The following ZNF662 variants were observed in gnomAD, a reference collection of about 807,000 sequenced individuals.
The protein encoded by ZNF662 is zinc finger protein 662.
A neutral mutation model predicts 12.4 loss-of-function variants in ZNF662; 14 were observed. The observed-to-expected ratio is 1.13, with a 90% confidence interval of 0.75 to 1.77. The LOEUF (loss-of-function observed/expected upper bound fraction) is 1.77. ZNF662 is among the 40% of genes most tolerant of loss of function. The pLI is 0.00. For synonymous variants in ZNF662, 184 were observed against 176.4 expected, an observed-to-expected ratio of 1.04 and a Z score of -0.34; for missense variants, 550 against 515.6, an observed-to-expected ratio of 1.07 and a Z score of -0.65.
chr3:42,911,744 T>C (rs2125644139), intron 3 of ZNF662, among the ~76,000 whole-genome samples: 2 of 152,324 alleles, frequency 1.3e-5, no homozygotes, highest in South Asian at 4.1e-4. Flanking sequence ...TGTATTACAG[T>C]AGATCTCTGT....
rs1304791784 is a variant in ZNF662, at chr3:42,915,125, A to T, written c.1052A>T (p.Gln351Leu). Residue 351 changes from glutamine to leucine, a missense_variant, in exon 5 of 5, where the codon CAG (glutamine) becomes CTG (leucine). Transcript: ENST00000440367. ...TGGAACTCAGATCTTTCTCAGCACC[A>T]GAGGGTCCACACTGGGGACAAGCCT... is the stretch of plus-strand genomic sequence containing the variant. The part of the protein sequence containing the change: ...FMWNSDLSQH[Q>L]RVHTGDKPHE... The T allele has an allele frequency of 6.2e-7, 1 of 1,614,126 alleles. No individual in the cohort carries two copies. Among genetic ancestry groups the T allele is most frequent in the Non-Finnish European group, 8.5e-7 (1 of 1,180,048 alleles).
rs1005498838 is a variant in ZNF662 at position 42,916,182 on chromosome 3, C to G, written c.*828C>G. 6.6e-6 allele frequency: 1 copy of G among 152,088 alleles called. No individual in the cohort carries two copies. The highest frequency in any genetic ancestry group is 2.4e-5 in the African/African-American group (1 of 41,408). The allele number at this position is 152,088 out of a possible 1,614,324, so 9.4% of individuals were successfully genotyped here. A position where few individuals can be genotyped will look rare whatever the true frequency, so the allele number is the denominator to read the frequency against. ...TACTGGTTGTGTATCTCTGTAGATACTCTTTGTATACAAGTGTTTATTAGT... is the reference window on the plus strand; with the variant it reads ...TACTGGTTGTGTATCTCTGTAGATAGTCTTTGTATACAAGTGTTTATTAGT... On this transcript the variant is annotated 3_prime_UTR_variant, in exon 5 of 5. Transcript: ENST00000440367.
Position 42,906,289 on chromosome 3 carries a change from C to T in ZNF662, c.-94+121C>T, listed in dbSNP as rs753972091. 1.0e-5 allele frequency: 15 copies of T among 1,477,178 alleles called. No homozygotes were observed. Among genetic ancestry groups the T allele is most frequent in the Non-Finnish European group, 1.4e-5 (15 of 1,105,692 alleles). 91.5% of individuals were successfully genotyped at this position (1,477,178 alleles called of 1,614,324 possible). On this transcript the variant is annotated intron_variant, in intron 1 of 4. Transcript: ENST00000440367. The surrounding 1 kb of genome is among the most constrained non-coding windows in gnomAD (Gnocchi z 4.4). ...TGCCCAGGTGCAGAGCGCTCTTCCGCGACCCCAACAGCCTCTGGTCCGGTC... is the reference window on the plus strand; with the variant it reads ...TGCCCAGGTGCAGAGCGCTCTTCCGTGACCCCAACAGCCTCTGGTCCGGTC...
At position 42,906,258 on chromosome 3, in the gene ZNF662, C is replaced by A; in HGVS notation, c.-94+90C>A. Reference sequence around the variant, plus strand: ...GCTGCAGGGCGCAGGGTAGCCGTGTCAGGCCTGCCCAGGTGCAGAGCGCTC... The same window carrying A: ...GCTGCAGGGCGCAGGGTAGCCGTGTAAGGCCTGCCCAGGTGCAGAGCGCTC... On this transcript the variant is annotated intron_variant, in intron 1 of 4. Transcript: ENST00000440367. The surrounding 1 kb of genome is among the most constrained non-coding windows in gnomAD (Gnocchi z 4.4). 8.3e-7 allele frequency: 1 copy of A among 1,203,738 alleles called. No homozygotes were observed. The highest frequency in any genetic ancestry group is 1.5e-5 in the South Asian group (1 of 67,296). 74.6% of individuals were successfully genotyped at this position (1,203,738 alleles called of 1,614,324 possible).
In ZNF662 at chr3:42,908,075, C is replaced by T. The variant is rs751071502; in HGVS notation, c.-40C>T. On this transcript the variant is annotated 5_prime_UTR_variant, in exon 2 of 5. Transcript: ENST00000440367. The stretch of plus-strand genomic sequence containing the variant: ...TCTACTTCTCTGAGAACGAATGGAT[C>T]GGCCTGGGCCCTGCTCAGAGAGCCC... 8.7e-6 allele frequency: 14 copies of T among 1,614,052 alleles called. No individual in the cohort carries two copies. The highest frequency in any genetic ancestry group is 2.2e-5 in the South Asian group (2 of 91,084).
rs1188564876 is a variant in ZNF662, at chr3:42,914,424, G to A, written c.351G>A (p.Trp117Ter). ...TGGTCCTATCAAGTGGACCCCAGTG[G>A]TGTGGATCCCAGGAATTATGGTTTG... ...DLMVLSSGPQ[W>*]CGSQELWFGK... Residue 117 changes from tryptophan (W) to a stop codon, truncating the protein, a stop_gained, in exon 5 of 5, where the codon TGG (tryptophan) becomes TGA (stop). Transcript: ENST00000440367. LOFTEE classifies it low-confidence loss of function (END_TRUNC). The A allele has an allele frequency of 6.2e-7, 1 of 1,614,034 alleles. No individual in the cohort carries two copies. The highest frequency in any genetic ancestry group is 1.1e-5 in the South Asian group (1 of 91,064).
At position 42,919,281 on chromosome 3, in the gene ZNF662, A is replaced by G. The variant is rs1487307450; in HGVS notation, c.*3927A>G. ...TTTCTCTCCAGTTCTCATTTTTGTT[A>G]AAAATAAATCATGATAGGACTGAGT... On this transcript the variant is annotated 3_prime_UTR_variant, in exon 5 of 5. Coordinates refer to ENST00000440367, the MANE Select transcript of ZNF662 (RefSeq NM_207404.4). 1.3e-5 allele frequency among the ~76,000 whole-genome samples: 2 copies of G among 152,246 alleles called. No individual in the cohort carries two copies. Among genetic ancestry groups the G allele is most frequent in the East Asian group, 3.8e-4 (2 of 5,204 alleles).
intron 2 of ZNF662, chr3:42,908,576 C>T (rs1032853333): frequency 2.8e-5 from 39 of 1,377,222 alleles, no homozygotes; most frequent in Non-Finnish European, 3.6e-5. Context: ...CATCCATTTG[C>T]TGACTCAAAC....
rs747874402 is a variant in ZNF662 at position 42,917,405 on chromosome 3, A to T, written c.*2051A>T. 1.7e-5 allele frequency: 11 copies of T among 660,490 alleles called. No homozygotes were observed. In the South Asian group the frequency reaches 1.9e-4, roughly 11 times the overall value. 40.9% of individuals were successfully genotyped at this position (660,490 alleles called of 1,614,324 possible). On this transcript the variant is annotated 3_prime_UTR_variant, in exon 5 of 5. Coordinates refer to ENST00000440367, the MANE Select transcript of ZNF662 (RefSeq NM_207404.4). ...TGTCCTCTGTGTGGCACATAGGAAA[A>T]TGTGAGACCTAGAATTATAGCAACT...
Position 42,917,491 on chromosome 3 carries a change from G to A in ZNF662, c.*2137G>A. The A allele has an allele frequency of 1.4e-6, 1 of 702,358 alleles. No homozygotes were observed. The highest frequency in any genetic ancestry group is 2.3e-4 in the Middle Eastern group (1 of 4,370). 43.5% of individuals were successfully genotyped at this position (702,358 alleles called of 1,614,324 possible). ...CCAGGTGCTACCATATGGAGCCTAA[G>A]GATAAAGCCAATACCAAAGAAAACA... On this transcript the variant is annotated 3_prime_UTR_variant, in exon 5 of 5. Coordinates refer to ENST00000440367, the MANE Select transcript of ZNF662 (RefSeq NM_207404.4).
intron 4 of ZNF662, among the ~76,000 whole-genome samples, chr3:42,913,541 G>C (rs956794698): frequency 6.6e-6 from 1 of 152,120 alleles, no homozygotes; most frequent in African/African-American, 2.4e-5. Context: ...AAACTGAACA[G>C]ATGGCCTGCC....
chr3:42,913,210 T>G lies in ZNF662; in HGVS notation c.161T>G (p.Phe54Cys), dbSNP rs1428303879. 1 of 1,613,822 alleles carries G rather than the reference T, an allele frequency of 6.2e-7. No individual in the cohort carries two copies. The highest frequency in any genetic ancestry group is 8.5e-7 in the Non-Finnish European group (1 of 1,179,754). The change falls in exon 4 of 5, where the codon TTT (phenylalanine) becomes TGT (cysteine). Residue 54 changes from phenylalanine to cysteine, a missense_variant. Physicochemically the swap from Phe to Cys is radical, Grantham distance 205 (BLOSUM62 -2). Transcript: ENST00000440367. ...APRGISSGYP[F>C]LKPAGISHPE... ...ATCTTGACCCTGGCAGGATATCCAT[T>G]TCTAAAGCCTGCTGGGATTTCCCAT...
Position 42,908,934 on chromosome 3 carries a change from C to A in ZNF662, c.151+25C>A. The A allele has an allele frequency of 2.6e-6, 4 of 1,531,614 alleles. No homozygotes were observed. The South Asian group carries it at 3.4e-5, about 13-fold the overall frequency. The allele number at this position is 1,531,614 out of a possible 1,614,324, so 94.9% of individuals were successfully genotyped here. A position where few individuals can be genotyped will look rare whatever the true frequency, so the allele number is the denominator to read the frequency against. ...GGTGAGTGAGGGCACACGTGCCGGT[C>A]ATCTGACCAGTTTTCTTGTCATGAT... On this transcript the variant is annotated intron_variant, in intron 3 of 4. Transcript: ENST00000440367.
Position 42,915,675 on chromosome 3 carries a change from A to G in ZNF662, c.*321A>G, listed in dbSNP as rs962785402. The G allele has an allele frequency of 9.5e-5, 23 of 241,146 alleles. No homozygotes were observed. The highest frequency in any genetic ancestry group is 4.5e-4 in the African/African-American group (20 of 44,626). The allele number at this position is 241,146 out of a possible 1,614,324, so 14.9% of individuals were successfully genotyped here. On this transcript the variant is annotated 3_prime_UTR_variant, in exon 5 of 5. Transcript: ENST00000440367. ...AGAAATCTGAGTTGAAAGAGGTTAT[A>G]AAACTCATTCAGGGTTGCTCAGTTA...
chr3:42,906,406 C>T lies in ZNF662; in HGVS notation c.-94+238C>T, dbSNP rs534563615. 4.1e-5 allele frequency: 62 copies of T among 1,506,310 alleles called. No homozygotes were observed. The African/African-American group carries it at 8.6e-4, about 21-fold the overall frequency. The allele number at this position is 1,506,310 out of a possible 1,614,324, so 93.3% of individuals were successfully genotyped here. A position where few individuals can be genotyped will look rare whatever the true frequency, so the allele number is the denominator to read the frequency against. ...ACGCCTCGGCCTTGTCCTCGAGCTG[C>T]TCCCGGGACAGCCCGCGCTGCCCCG... On this transcript the variant is annotated intron_variant, in intron 1 of 4. Transcript: ENST00000440367. This position sits in a 1 kb window ranked among gnomAD's most constrained non-coding sequence, Gnocchi z 4.4.
chr3:42,906,572 C>T lies in ZNF662; in HGVS notation c.-94+404C>T. On this transcript the variant is annotated intron_variant, in intron 1 of 4. Coordinates refer to ENST00000440367, the MANE Select transcript of ZNF662 (RefSeq NM_207404.4). This position sits in a 1 kb window ranked among gnomAD's most constrained non-coding sequence, Gnocchi z 4.4. Reference sequence around the variant, plus strand: ...GAGGGGCCTCGAGGGACAGGCAGCACAGCGGAGTCGACACCCCTGGACCTG... The same window carrying T: ...GAGGGGCCTCGAGGGACAGGCAGCATAGCGGAGTCGACACCCCTGGACCTG... 1.2e-6 allele frequency: 1 copy of T among 814,404 alleles called. No individual in the cohort carries two copies. Among genetic ancestry groups the T allele is most frequent in the Non-Finnish European group, 1.8e-6 (1 of 559,296 alleles). The allele number at this position is 814,404 out of a possible 1,614,324, so 50.4% of individuals were successfully genotyped here.
intron 1 of ZNF662, chr3:42,907,731 C>T (rs766681437): frequency 3.6e-5 from 35 of 985,274 alleles, no homozygotes; most frequent in Non-Finnish European, 3.7e-5. Context: ...ACCTAGAGCA[C>T]AGATGTGGTT....
chr3:42,915,145 A>G lies in ZNF662; in HGVS notation c.1072A>G (p.Lys358Glu). The change falls in exon 5 of 5, where the codon AAG becomes GAG. Residue 358 changes from lysine (K) to glutamate (E), a missense_variant. By Grantham distance (56) the Lys-to-Glu change is moderately conservative. Transcript: ENST00000440367. ...GCACCAGAGGGTCCACACTGGGGACAAGCCTCATGAATGTACTGACTGTGG... is the reference window on the plus strand; with the variant it reads ...GCACCAGAGGGTCCACACTGGGGACGAGCCTCATGAATGTACTGACTGTGG... ...SQHQRVHTGDKPHECTDCGKS... is the reference protein window; with the variant it reads ...SQHQRVHTGDEPHECTDCGKS... 6.2e-7 allele frequency: 1 copy of G among 1,614,244 alleles called. No individual in the cohort carries two copies. The highest frequency in any genetic ancestry group is 8.5e-7 in the Non-Finnish European group (1 of 1,180,038).
At position 42,917,754 on chromosome 3, in the gene ZNF662, T is replaced by C. The variant is rs1359219423; in HGVS notation, c.*2400T>C. ...AGTGTCACCTTTTCCTCTTGCTCAG[T>C]AGTCTCATAAGCTTCTCAGTTTTAT... On this transcript the variant is annotated 3_prime_UTR_variant, in exon 5 of 5. Transcript: ENST00000440367. 3 of 597,698 alleles carry C rather than the reference T, an allele frequency of 5.0e-6. No individual in the cohort carries two copies. The Admixed American group carries it at 9.3e-5, about 18-fold the overall frequency. The allele number at this position is 597,698 out of a possible 1,614,324, so 37.0% of individuals were successfully genotyped here.
Sources: gnomAD v4.1 joint callset for allele counts (sites outside exome capture counted in the v4.1 genomes callset) on GRCh38, gnomAD v4.1.1 for gene constraint, Gnocchi (gnomAD v3.1) non-coding constraint, MANE v1.5 for transcripts, NCBI Gene and HGNC (gene_info 2026-07-23, HGNC 2026-07-21) for gene names.